Variants in ZNF676 observed in about 807,000 individuals in gnomAD.
ZNF676 encodes the protein zinc finger protein 676.
In ZNF676, 4 loss-of-function variants were observed where a neutral mutation model predicts 6.0. That is an observed-to-expected ratio of 0.67 (90% CI 0.33 to 1.53). The LOEUF is 1.53. Among genes scored for constraint, ZNF676 ranks in the 40% most tolerant of loss-of-function variants. The pLI is 0.06. For synonymous variants in ZNF676, 198 were observed against 223.1 expected, an observed-to-expected ratio of 0.89 and a Z score of 1.00; for missense variants, 644 against 679.7, an observed-to-expected ratio of 0.95 and a Z score of 0.58.
chr19:22,195,714 G>C (rs1271705457), intron 1 of ZNF676, among the ~76,000 whole-genome samples: 1 of 152,154 alleles, frequency 6.6e-6, no homozygotes, highest in African/African-American at 2.4e-5. Flanking sequence ...GAGCAATTGT[G>C]CTATCATTTA....
chr19:22,235,005 AAAG>A, the ZNF676 span, among the ~76,000 whole-genome samples: 4,446 of 121,914 alleles, frequency 0.036, 193 homozygotes, highest in Admixed American at 0.068. Context: ...AGAAAGAAAG[AAAG>A]AAAGAAAGAA....
the ZNF676 span, among the ~76,000 whole-genome samples, chr19:22,224,766 A>G: frequency 2.0e-5 from 3 of 152,314 alleles, no homozygotes; most frequent in East Asian, 5.8e-4. Flanking sequence ...AGGTCAAAAC[A>G]GAAGGATCAC....
intron 1 of ZNF676, among the ~76,000 whole-genome samples, chr19:22,209,829 C>A (rs921961354): frequency 6.6e-6 from 1 of 152,076 alleles, no homozygotes; most frequent in Non-Finnish European, 1.5e-5. Flanking sequence ...CTGCAGATTC[C>A]GTGTCTGAAA....
Position 22,180,810 on chromosome 19 carries a change from G to T in ZNF676, c.907C>A (p.His303Asn), listed in dbSNP as rs752797348. The change falls in exon 3 of 3, where the codon CAT (histidine) becomes AAT (asparagine). Residue 303 changes from histidine to asparagine, a missense_variant. Physicochemically the swap from His to Asn is moderately conservative, Grantham distance 68 (BLOSUM62 1). Around this residue, in one of 5 missense-constraint regions of ZNF676, gnomAD observed 28 missense variants for 83.7 expected, o/e 0.33. Coordinates refer to ENST00000397121, the MANE Select transcript of ZNF676 (RefSeq NM_001001411.3). ...CACTTGTAGGGTTTCTCTCCAGTAT[G>T]AATTCTCTTATGTTCCATGAGCTTT... is the stretch of plus-strand genomic sequence containing the variant. ...SSKLMEHKRI[H>N]TGEKPYKCEE... 10 of 1,593,828 alleles carry T rather than the reference G, an allele frequency of 6.3e-6. No individual in the cohort carries two copies. The highest frequency in any genetic ancestry group is 8.6e-6 in the Non-Finnish European group (10 of 1,163,760).
intron 2 of ZNF676, among the ~76,000 whole-genome samples, chr19:22,182,481 A>C (rs1426305712): frequency 6.6e-6 from 1 of 151,710 alleles, no homozygotes. Context: ...AACACAAAAG[A>C]CTATAGAAAA....
chr19:22,215,217 T>C (rs1424730917), intron 1 of ZNF676, among the ~76,000 whole-genome samples: 2 of 152,144 alleles, frequency 1.3e-5, no homozygotes, highest in African/African-American at 4.8e-5. Context: ...GAATCACTCT[T>C]AAATTATTTA....
intron 2 of ZNF676, among the ~76,000 whole-genome samples, chr19:22,188,559 G>A (rs1486502832): frequency 6.6e-6 from 1 of 152,142 alleles, no homozygotes; most frequent in Admixed American, 6.6e-5. Flanking sequence ...TAGGAAAAGA[G>A]GAAGTCAAAT....
At chr19:22,220,796 T>C (rs763313745), upstream of ZNF676, among the ~76,000 whole-genome samples, 1 of 152,180 alleles carries the variant, frequency 6.6e-6, no homozygotes, top group Non-Finnish European at 1.5e-5. Context: ...CTACTTGTTA[T>C]TGGTGTGTTC....
the ZNF676 span, among the ~76,000 whole-genome samples, chr19:22,234,965 A>G: frequency 7.5e-5 from 1 of 13,290 alleles, no homozygotes; most frequent in Non-Finnish European, 1.5e-4. Flanking sequence ...AAAGCAAGAG[A>G]AAGAAAGAAA....
upstream of ZNF676, among the ~76,000 whole-genome samples, chr19:22,200,150 CT>C (rs1432816102): frequency 6.6e-6 from 1 of 151,694 alleles, no homozygotes; most frequent in East Asian, 1.9e-4. Flanking sequence ...CTTAAGTAAA[CT>C]TAAATCTGAG....
At chr19:22,217,037 T>G (rs376790603), upstream of ZNF676, among the ~76,000 whole-genome samples, 5 of 152,056 alleles carry the variant, frequency 3.3e-5, no homozygotes, top group East Asian at 5.8e-4. Context: ...TTGGGGTACA[T>G]GTAGTATTTG....
At chr19:22,198,020 A>C (rs1021596914), upstream of ZNF676, among the ~76,000 whole-genome samples, 1 of 152,218 alleles carries the variant, frequency 6.6e-6, no homozygotes, top group Non-Finnish European at 1.5e-5. Flanking sequence ...TTTCTTCAGC[A>C]CTGAGAGAGC....
At chr19:22,224,086 C>G in the ZNF676 span, among the ~76,000 whole-genome samples, 2 of 150,534 alleles carry the variant, frequency 1.3e-5, no homozygotes, top group African/African-American at 4.9e-5. Context: ...CCATGCAGTG[C>G]ATGCCGATGA....
chr19:22,229,738 A>G, the ZNF676 span, among the ~76,000 whole-genome samples: 228 of 152,348 alleles, frequency 1.5e-3, no homozygotes, highest in South Asian at 6.2e-3. Flanking sequence ...GCCAACAAAC[A>G]TATGAAAAAA....
At chr19:22,244,038 CTTT>C in the ZNF676 span, 27 of 124,000 alleles carry the variant, frequency 2.2e-4, no homozygotes, top group Admixed American at 4.2e-4. Context: ...TCTTTCTTCT[CTTT>C]TTTTTTTTTT....
rs533224891 is a variant in ZNF676, at chr19:22,212,634, T to A, written c.3+2998A>T. Among the ~76,000 whole-genome samples the A allele has an allele frequency of 3.3e-5, 5 of 150,994 alleles. No individual in the cohort carries two copies. In the South Asian group the frequency reaches 1.1e-3, roughly 32 times the overall value. ...GCATGAGAATCACTTGAACTTGGGATGCAGAGGTTGCAGTGAGCCGAGATT... is the reference window on the plus strand; with the variant it reads ...GCATGAGAATCACTTGAACTTGGGAAGCAGAGGTTGCAGTGAGCCGAGATT... On this transcript the variant is annotated intron_variant, in intron 1 of 3. Transcript: ENST00000650058.
the ZNF676 span, chr19:22,243,774 A>G: frequency 1.3e-5 from 2 of 152,208 alleles, no homozygotes; most frequent in Non-Finnish European, 2.9e-5. Context: ...TATGTACTGC[A>G]TTTATTAATG....
the ZNF676 span, among the ~76,000 whole-genome samples, chr19:22,250,318 A>C: frequency 5.3e-5 from 8 of 152,176 alleles, no homozygotes; most frequent in Non-Finnish European, 1.0e-4. Flanking sequence ...CTTTTGAATA[A>C]ACTACAAGAA....
the ZNF676 span, among the ~76,000 whole-genome samples, chr19:22,232,540 G>A: frequency 6.6e-6 from 1 of 152,032 alleles, no homozygotes; most frequent in Non-Finnish European, 1.5e-5. Context: ...AGAGAACAGA[G>A]AACTTGAAGA....
Sources: allele counts gnomAD v4.1 joint callset (sites outside exome capture counted in the v4.1 genomes callset), GRCh38; gene constraint gnomAD v4.1.1; regional missense constraint gnomAD v4.1.1; transcripts MANE v1.5; gene names NCBI Gene and HGNC (gene_info 2026-07-23, HGNC 2026-07-21).